EXOC6B: variants seen among roughly 807,000 people sequenced by gnomAD.
EXOC6B encodes the protein SEC15 homolog B.
A neutral mutation model predicts 113.5 loss-of-function variants in EXOC6B; 54 were observed. The observed-to-expected ratio is 0.48, with a 90% CI of 0.38 to 0.60. EXOC6B has a LOEUF of 0.60. Ranked by LOEUF, EXOC6B falls within the 20% of genes least tolerant of loss-of-function variation. The pLI is 0.00. For missense variants in EXOC6B, 797 were observed against 977.5 expected, an observed-to-expected ratio of 0.82 and a Z score of 2.46; for synonymous variants, 357 against 339.0, an observed-to-expected ratio of 1.05 and a Z score of -0.58.
rs1047465870 is a variant in EXOC6B, at chr2:72,571,198, T to C, written c.846+4294A>G. Among the ~76,000 whole-genome samples, 5 of 152,216 alleles carry C rather than the reference T, an allele frequency of 3.3e-5. No homozygotes were observed. In the East Asian group the frequency reaches 9.6e-4, roughly 29 times the overall value. On this transcript the variant is annotated intron_variant, in intron 7 of 21. Coordinates refer to ENST00000272427, the MANE Select transcript of EXOC6B (RefSeq NM_015189.3). Reference sequence around the variant, plus strand: ...ATATTTAGAGAAGAACATTAACACCTGCATATGCCCACAGGGTGATTTCAA... The same window carrying C: ...ATATTTAGAGAAGAACATTAACACCCGCATATGCCCACAGGGTGATTTCAA...
intron 20 of EXOC6B, among the ~76,000 whole-genome samples, chr2:72,214,487 CAAAAA>C (rs11355575): frequency 9.5e-6 from 1 of 105,228 alleles, no homozygotes. Flanking sequence ...TGAGACTTGT[CAAAAA>C]AAAAAAAAAA....
intron 20 of EXOC6B, among the ~76,000 whole-genome samples, chr2:72,263,937 A>AGCCAGCCAGC (rs1559072732): frequency 2.0e-5 from 3 of 152,046 alleles, no homozygotes; most frequent in African/African-American, 7.3e-5. Flanking sequence ...AGCCAGCCAG[A>AGCCAGCCAGC]CAGGCAGGCA....
intron 20 of EXOC6B, among the ~76,000 whole-genome samples, chr2:72,290,703 C>A (rs911260111): frequency 6.6e-6 from 1 of 151,444 alleles, no homozygotes; most frequent in East Asian, 1.9e-4. Context: ...TATAAAAAAA[C>A]GTTTTTAATA....
At chr2:72,386,972 A>G (rs560642665) in intron 18 of EXOC6B, among the ~76,000 whole-genome samples, 1 of 152,276 alleles carries the variant, frequency 6.6e-6, no homozygotes, top group East Asian at 1.9e-4. Context: ...TCCTGATTTG[A>G]GAAGTATTCA....
At chr2:72,513,839 T>G (rs1379683849) in intron 10 of EXOC6B, among the ~76,000 whole-genome samples, 1 of 152,078 alleles carries the variant, frequency 6.6e-6, no homozygotes, top group African/African-American at 2.4e-5. Context: ...TAGCCTGCAT[T>G]GTCTTGCCTA....
chr2:72,660,070 T>C (rs1674893416), intron 6 of EXOC6B, among the ~76,000 whole-genome samples: 1 of 150,508 alleles, frequency 6.6e-6, no homozygotes, highest in African/African-American at 2.4e-5. Context: ...CACCTTACTC[T>C]CTCCTTACAT....
At chr2:72,401,638 CATATATACAT>C (rs1693307981) in intron 18 of EXOC6B, among the ~76,000 whole-genome samples, 20 of 15,474 alleles carry the variant, frequency 1.3e-3, no homozygotes, top group Admixed American at 2.6e-3. Context: ...TATATATATA[CATATATACAT>C]ATATATATAT....
intron 1 of EXOC6B, among the ~76,000 whole-genome samples, chr2:72,772,116 T>A (rs1330855280): frequency 6.6e-6 from 1 of 152,114 alleles, no homozygotes; most frequent in African/African-American, 2.4e-5. Flanking sequence ...GGCTTCACAT[T>A]ATCCATGATT....
chr2:72,325,126 G>T (rs1257022853), intron 20 of EXOC6B, among the ~76,000 whole-genome samples: 9 of 152,086 alleles, frequency 5.9e-5, no homozygotes, highest in Non-Finnish European at 7.4e-5. Flanking sequence ...ATCCAGAAAG[G>T]CTTCATGCCC....
chr2:72,200,856 A>C (rs1679450519), intron 20 of EXOC6B, among the ~76,000 whole-genome samples: 1 of 152,130 alleles, frequency 6.6e-6, no homozygotes, highest in African/African-American at 2.4e-5. Context: ...AGAGAATGTA[A>C]AATCCATCTT....
At chr2:72,582,192 A>C (rs1052390998) in intron 6 of EXOC6B, among the ~76,000 whole-genome samples, 2 of 152,070 alleles carry the variant, frequency 1.3e-5, no homozygotes, top group South Asian at 2.1e-4. Context: ...AAAAATAAAA[A>C]TTTAAAAATT....
intron 19 of EXOC6B, among the ~76,000 whole-genome samples, chr2:72,348,898 C>A (rs1445402118): frequency 6.6e-6 from 1 of 152,056 alleles, no homozygotes; most frequent in Non-Finnish European, 1.5e-5. Context: ...GTTAAAAGAG[C>A]TACATTTTTT....
chr2:72,603,275 G>A (rs960936175), intron 6 of EXOC6B, among the ~76,000 whole-genome samples: 13 of 152,012 alleles, frequency 8.6e-5, no homozygotes, highest in Admixed American at 7.2e-4. Context: ...AGACAAGGTG[G>A]AATAGAATAA....
At chr2:72,623,981 C>T (rs1443940879) in intron 6 of EXOC6B, among the ~76,000 whole-genome samples, 1 of 152,164 alleles carries the variant, frequency 6.6e-6, no homozygotes, top group Non-Finnish European at 1.5e-5. Context: ...AGTGAGCTAC[C>T]TCTGGTTATA....
chr2:72,600,917 G>A (rs1465632523), intron 6 of EXOC6B, among the ~76,000 whole-genome samples: 3 of 151,496 alleles, frequency 2.0e-5, no homozygotes, highest in Non-Finnish European at 4.4e-5. Flanking sequence ...ATCACAAACT[G>A]GGTTAGAACA....
chr2:72,573,791 C>T (rs1344686059), intron 7 of EXOC6B, among the ~76,000 whole-genome samples: 1 of 152,002 alleles, frequency 6.6e-6, no homozygotes, highest in Non-Finnish European at 1.5e-5. Flanking sequence ...AGAAGTGTGT[C>T]CCCTCAATAA....
intron 6 of EXOC6B, among the ~76,000 whole-genome samples, chr2:72,637,720 G>A (rs1672950926): frequency 6.6e-6 from 1 of 151,842 alleles, no homozygotes; most frequent in African/African-American, 2.4e-5. Context: ...AGCCCAGGAG[G>A]TGGAGGTTGC....
chr2:72,252,037 C>A (rs1236677362), intron 20 of EXOC6B, among the ~76,000 whole-genome samples: 2 of 152,130 alleles, frequency 1.3e-5, no homozygotes, highest in Admixed American at 6.6e-5. Flanking sequence ...ATTATTCCTG[C>A]AATTATCCCT....
At chr2:72,554,030 A>G (rs935008164) in intron 8 of EXOC6B, among the ~76,000 whole-genome samples, 13 of 152,226 alleles carry the variant, frequency 8.5e-5, no homozygotes, top group Non-Finnish European at 1.8e-4. Context: ...TCAGCAGCTT[A>G]TAAGTGGATA....
Sources: gnomAD v4.1 joint callset for allele counts (sites outside exome capture counted in the v4.1 genomes callset) on GRCh38, gnomAD v4.1.1 for gene constraint, MANE v1.5 for transcripts, NCBI Gene and HGNC (gene_info 2026-07-23, HGNC 2026-07-21) for gene names.